Variants in PCDHGA6 observed in about 807,000 individuals in gnomAD.
PCDHGA6 encodes the protein protocadherin gamma-A6.
A neutral mutation model predicts 60.6 loss-of-function variants in PCDHGA6; 41 were observed. The observed-to-expected ratio is 0.68, with a 90% CI of 0.53 to 0.88. The LOEUF is 0.88. PCDHGA6 is among the 40% of genes least tolerant of loss of function. PCDHGA6 has a pLI of 0.00. For synonymous variants in PCDHGA6, 594 were observed against 524.4 expected, an observed-to-expected ratio of 1.13 and a Z score of -1.81; for missense variants, 1,312 against 1,203.0, an observed-to-expected ratio of 1.09 and a Z score of -1.34.
At position 141,376,193 on chromosome 5, in the gene PCDHGA6, T is replaced by C; in HGVS notation, c.2110T>C (p.Phe704Leu). The change falls in exon 1 of 4, where the codon TTC becomes CTC. Residue 704 changes from phenylalanine (F) to leucine (L), a missense_variant. Phe to Leu is a conservative substitution (Grantham distance 22). Coordinates refer to ENST00000517434, the MANE Select transcript of PCDHGA6 (RefSeq NM_018919.3). ...VVAVAAVSCV[F>L]LAFVIVLLAL... is the part of the protein sequence containing the mutation. ...GGCGGTGGCCGCGGTCTCCTGCGTCTTCCTGGCCTTCGTCATCGTGCTGCT... is the reference window on the plus strand; with the variant it reads ...GGCGGTGGCCGCGGTCTCCTGCGTCCTCCTGGCCTTCGTCATCGTGCTGCT... The C allele has an allele frequency of 6.2e-7, 1 of 1,614,164 alleles. No individual in the cohort carries two copies. The highest frequency in any genetic ancestry group is 2.2e-5 in the East Asian group (1 of 44,872).
chr5:141,399,202 G>T, intron 1 of PCDHGA6: 1 of 1,613,914 alleles, frequency 6.2e-7, no homozygotes, highest in Non-Finnish European at 8.5e-7. Context: ...CGCGGTGCCT[G>T]GAACACTAAT....
At position 141,490,448 on chromosome 5, in the gene PCDHGA6, A is replaced by C. The variant is rs1309104827; in HGVS notation, c.2425-4359A>C. 1 of 1,614,206 alleles carries C rather than the reference A, an allele frequency of 6.2e-7. No homozygotes were observed. Among genetic ancestry groups the C allele is most frequent in the Admixed American group, 1.7e-5 (1 of 60,030 alleles). ...TTTCAGATTAAGCCTTCTGAGAACC[A>C]CTACTCGCTGCTAACCAGCCAGCCT... is the stretch of plus-strand genomic sequence containing the variant. On this transcript the variant is annotated intron_variant, in intron 1 of 3. Coordinates refer to ENST00000517434, the MANE Select transcript of PCDHGA6 (RefSeq NM_018919.3). This position sits in a 1 kb window ranked among gnomAD's most constrained non-coding sequence, Gnocchi z 5.4.
rs575695102 is a variant in PCDHGA6 at position 141,421,063 on chromosome 5, G to C, written c.2424+44556G>C. 16 of 581,866 alleles carry C rather than the reference G, an allele frequency of 2.7e-5. No individual in the cohort carries two copies. The African/African-American group carries it at 2.9e-4, about 10-fold the overall frequency. 36.0% of individuals were successfully genotyped at this position (581,866 alleles called of 1,614,324 possible). A position where few individuals can be genotyped will look rare whatever the true frequency, so the allele number is the denominator to read the frequency against. ...CTCCCCCGCCTCTACCACACAAAGC[G>C]GAATGAGATGGATACTCACAGATCC... On this transcript the variant is annotated intron_variant, in intron 1 of 3. Coordinates refer to ENST00000517434, the MANE Select transcript of PCDHGA6 (RefSeq NM_018919.3).
chr5:141,388,520 G>T, intron 1 of PCDHGA6: 1 of 1,613,822 alleles, frequency 6.2e-7, no homozygotes, highest in Admixed American at 1.7e-5. Flanking sequence ...ACTTGACTTT[G>T]ACTGCCTTGG....
Position 141,431,344 on chromosome 5 carries a change from G to T in PCDHGA6, c.2424+54837G>T. On this transcript the variant is annotated intron_variant, in intron 1 of 3. Coordinates refer to ENST00000517434, the MANE Select transcript of PCDHGA6 (RefSeq NM_018919.3). This position sits in a 1 kb window ranked among gnomAD's most constrained non-coding sequence, Gnocchi z 4.8. ...ACGGTAGTAAGTACCCCGAATTGGT[G>T]CTGAAACGCGCCCTGGACCGCGAAG... 1 of 1,614,078 alleles carries T rather than the reference G, an allele frequency of 6.2e-7. No individual in the cohort carries two copies. The highest frequency in any genetic ancestry group is 1.3e-5 in the African/African-American group (1 of 75,068).
At chr5:141,380,267 C>A (rs1021604042) in intron 1 of PCDHGA6, among the ~76,000 whole-genome samples, 2 of 152,042 alleles carry the variant, frequency 1.3e-5, no homozygotes, top group Non-Finnish European at 2.9e-5. Flanking sequence ...GGAGTAAAAT[C>A]TCAGAGGAGA....
intron 1 of PCDHGA6, among the ~76,000 whole-genome samples, chr5:141,406,034 A>T (rs1438349168): frequency 6.7e-6 from 1 of 149,160 alleles, no homozygotes; most frequent in Non-Finnish European, 1.5e-5. Flanking sequence ...GGGTTGCTTC[A>T]TTGGTTGCAG....
chr5:141,499,233 C>A (rs1047984757), intron 2 of PCDHGA6, among the ~76,000 whole-genome samples: 2 of 152,116 alleles, frequency 1.3e-5, no homozygotes, highest in Non-Finnish European at 2.9e-5. Context: ...CAGCTGTCCC[C>A]AGCCTCTGCA....
intron 1 of PCDHGA6, among the ~76,000 whole-genome samples, chr5:141,387,227 A>C (rs1220813655): frequency 1.3e-5 from 2 of 152,230 alleles, no homozygotes; most frequent in Non-Finnish European, 2.9e-5. Flanking sequence ...AAGTTGAAAT[A>C]AATCAACTTG....
chr5:141,386,487 A>G (rs1374608231), intron 1 of PCDHGA6, among the ~76,000 whole-genome samples: 1 of 149,584 alleles, frequency 6.7e-6, no homozygotes, highest in African/African-American at 2.5e-5. Context: ...GCCCACCTAG[A>G]TAATATAACA....
chr5:141,451,301 G>T (rs963686418), intron 1 of PCDHGA6, among the ~76,000 whole-genome samples: 3 of 152,196 alleles, frequency 2.0e-5, no homozygotes, highest in Non-Finnish European at 4.4e-5. Flanking sequence ...AGTCTTACAA[G>T]GCAGCAATTA....
In PCDHGA6 at chr5:141,477,088, C is replaced by G. The variant is rs1008530221; in HGVS notation, c.2425-17719C>G. On this transcript the variant is annotated intron_variant, in intron 1 of 3. Transcript: ENST00000517434. This position sits in a 1 kb window ranked among gnomAD's most constrained non-coding sequence, Gnocchi z 4.9. ...AACTCCATGAGATTTACATCCAGGC[C>G]AAAGACAAGGGCGCCAATCCCGAAG... The G allele has an allele frequency of 1.2e-6, 2 of 1,614,112 alleles. No individual in the cohort carries two copies. The highest frequency in any genetic ancestry group is 1.6e-4 in the Middle Eastern group (1 of 6,084).
chr5:141,387,763 A>T, intron 1 of PCDHGA6: 2 of 1,425,584 alleles, frequency 1.4e-6, no homozygotes, highest in South Asian at 1.5e-5. Context: ...GAAAAAGAAG[A>T]ATTTTTTCTT....
intron 1 of PCDHGA6, chr5:141,423,309 G>T (rs1401836240): frequency 6.2e-7 from 1 of 1,614,176 alleles, no homozygotes; most frequent in South Asian, 1.1e-5. Context: ...CGCTGTACTT[G>T]GTGGTGGCGG....
intron 1 of PCDHGA6, among the ~76,000 whole-genome samples, chr5:141,461,390 C>T (rs1220034894): frequency 2.0e-5 from 3 of 152,080 alleles, no homozygotes; most frequent in East Asian, 3.9e-4. Context: ...TGATGATTAG[C>T]GATGTTGAGC....
chr5:141,506,666 C>A (rs894880559), intron 3 of PCDHGA6, among the ~76,000 whole-genome samples: 2 of 152,120 alleles, frequency 1.3e-5, no homozygotes, highest in South Asian at 4.1e-4. Context: ...AGAGTAAGGG[C>A]ACAATATATT....
chr5:141,489,094 G>GAAT lies in PCDHGA6; in HGVS notation c.2425-5711_2425-5710insTAA, dbSNP rs2154581134. 5.1e-6 allele frequency: 2 copies of GAAT among 396,028 alleles called. No homozygotes were observed. Among genetic ancestry groups the GAAT allele is most frequent in the Non-Finnish European group, 9.0e-6 (2 of 221,296 alleles). 24.5% of individuals were successfully genotyped at this position (396,028 alleles called of 1,614,324 possible). Reference sequence around the variant, plus strand: ...CCCACCCCCGCCACTCGGTGACTAAGAACTGCTGCAAGCAGGCAAACCTCC... The same window carrying GAAT: ...CCCACCCCCGCCACTCGGTGACTAAGAATAACTGCTGCAAGCAGGCAAACCTCC... On this transcript the variant is annotated intron_variant, in intron 1 of 3. Coordinates refer to ENST00000517434, the MANE Select transcript of PCDHGA6 (RefSeq NM_018919.3). The surrounding 1 kb of genome is among the most constrained non-coding windows in gnomAD (Gnocchi z 4.5).
intron 1 of PCDHGA6, among the ~76,000 whole-genome samples, chr5:141,488,969 CCAAT>C (rs1303368467): frequency 4.6e-5 from 7 of 152,106 alleles, no homozygotes; most frequent in Non-Finnish European, 7.4e-5. Context: ...GACTTTTTGG[CCAAT>C]CAGACTCAGA....
Position 141,511,400 on chromosome 5 carries a change from T to C in PCDHGA6, c.*227T>C. The C allele has an allele frequency of 2.0e-6, 2 of 982,250 alleles. No individual in the cohort carries two copies. Among genetic ancestry groups the C allele is most frequent in the Non-Finnish European group, 2.9e-6 (2 of 688,054 alleles). The allele number at this position is 982,250 out of a possible 1,614,324, so 60.8% of individuals were successfully genotyped here. On this transcript the variant is annotated 3_prime_UTR_variant, in exon 4 of 4. Coordinates refer to ENST00000517434, the MANE Select transcript of PCDHGA6 (RefSeq NM_018919.3). ...AGTTCCGCTGGGAACCCCCATCCAA[T>C]CAACTGCTGTACCCATGGGGGTAGT...
Sources: allele counts gnomAD v4.1 joint callset (sites outside exome capture counted in the v4.1 genomes callset), GRCh38; gene constraint gnomAD v4.1.1; non-coding constraint Gnocchi (gnomAD v3.1); transcripts MANE v1.5; gene names NCBI Gene and HGNC (gene_info 2026-07-23, HGNC 2026-07-21).